Variants in NTRK3 observed in about 807,000 individuals in gnomAD.
NTRK3 encodes the protein neurotrophic receptor tyrosine kinase 3.
Under a neutral mutation model 91.7 loss-of-function variants are expected in NTRK3, and 24 were observed. The observed-to-expected ratio is 0.26, with a 90% CI of 0.19 to 0.37. NTRK3 has a LOEUF of 0.37. Among genes scored for constraint, NTRK3 ranks in the 10% least tolerant of loss-of-function variants. The pLI is 1.00. For synonymous variants in NTRK3, 483 were observed against 404.0 expected, an observed-to-expected ratio of 1.20 and a Z score of -2.34; for missense variants, 880 against 1,068.9, an observed-to-expected ratio of 0.82 and a Z score of 2.46.
intron 13 of NTRK3, among the ~76,000 whole-genome samples, chr15:88,122,956 G>A (rs1027844299): frequency 6.6e-6 from 1 of 152,300 alleles, no homozygotes; most frequent in East Asian, 1.9e-4. Flanking sequence ...GCCATAGGTC[G>A]CTCCTGGTCA....
intron 6 of NTRK3, among the ~76,000 whole-genome samples, chr15:88,143,375 G>A (rs139833334): frequency 0.011 from 1,671 of 152,332 alleles, 12 homozygotes; most frequent in Non-Finnish European, 0.018. Context: ...AGGCAAGGAC[G>A]GGTTCTCCCG....
At chr15:88,114,055 T>A (rs980229248) in intron 13 of NTRK3, among the ~76,000 whole-genome samples, 1 of 152,066 alleles carries the variant, frequency 6.6e-6, no homozygotes, top group Non-Finnish European at 1.5e-5. Context: ...CATCAATGAC[T>A]GTCAAGCATG....
At chr15:87,928,928 GA>G in intron 17 of NTRK3, 1 of 599,220 alleles carries the variant, frequency 1.7e-6, no homozygotes, top group East Asian at 2.8e-5. Context: ...AAGCACGTAA[GA>G]ACACAATGCA....
intron 3 of NTRK3, among the ~76,000 whole-genome samples, chr15:88,244,894 CA>C (rs1188373816): frequency 6.6e-6 from 1 of 152,218 alleles, no homozygotes; most frequent in Non-Finnish European, 1.5e-5. Context: ...CCACTTGGGA[CA>C]ACATCTGCAA....
intron 3 of NTRK3, among the ~76,000 whole-genome samples, chr15:88,200,210 C>T (rs12324186): frequency 0.042 from 6,431 of 152,298 alleles, 440 homozygotes; most frequent in African/African-American, 0.14. Context: ...CCCACCTGCC[C>T]GGACTGGCCG....
intron 5 of NTRK3, among the ~76,000 whole-genome samples, chr15:88,153,786 T>C (rs2043622103): frequency 1.3e-5 from 2 of 152,036 alleles, no homozygotes; most frequent in South Asian, 4.2e-4. Context: ...TAGCTAGCTC[T>C]CGGGGGCCTC....
At chr15:88,164,227 G>T (rs1302281697) in intron 5 of NTRK3, among the ~76,000 whole-genome samples, 1 of 152,238 alleles carries the variant, frequency 6.6e-6, no homozygotes, top group African/African-American at 2.4e-5. Context: ...CCACACGGTG[G>T]TGGGCTGCAG....
chr15:88,127,490 C>T (rs1206910011), intron 11 of NTRK3, among the ~76,000 whole-genome samples: 1 of 152,216 alleles, frequency 6.6e-6, no homozygotes, highest in Non-Finnish European at 1.5e-5. Flanking sequence ...CCATTCCCTG[C>T]CCCAACCCCA....
intron 5 of NTRK3, among the ~76,000 whole-genome samples, chr15:88,169,000 T>C (rs1263162156): frequency 6.6e-6 from 1 of 151,970 alleles, no homozygotes; most frequent in African/African-American, 2.4e-5. Context: ...TGCATGAAAA[T>C]ATTCCAAGTC....
intron 5 of NTRK3, among the ~76,000 whole-genome samples, chr15:88,174,705 G>C (rs149716496): frequency 1.3e-5 from 2 of 152,182 alleles, no homozygotes; most frequent in African/African-American, 4.8e-5. Flanking sequence ...CCATAAGCAG[G>C]CTGTCTGCCA....
At chr15:87,878,516 C>G (rs536697449) in intron 18 of NTRK3, among the ~76,000 whole-genome samples, 1 of 152,200 alleles carries the variant, frequency 6.6e-6, no homozygotes, top group Non-Finnish European at 1.5e-5. Context: ...CATTTCCACC[C>G]TCCATTACCT....
chr15:87,934,742 C>A (rs1477686159), intron 15 of NTRK3, among the ~76,000 whole-genome samples: 2 of 152,128 alleles, frequency 1.3e-5, no homozygotes, highest in Non-Finnish European at 2.9e-5. Flanking sequence ...AGCTCACATT[C>A]ACACTAATTA....
At chr15:88,117,597 G>A (rs966265737) in intron 13 of NTRK3, among the ~76,000 whole-genome samples, 18 of 152,194 alleles carry the variant, frequency 1.2e-4, no homozygotes, top group African/African-American at 3.9e-4. Context: ...CCTTAGCTTG[G>A]AATTTAATGC....
At chr15:88,116,223 G>C (rs2052049899) in intron 13 of NTRK3, among the ~76,000 whole-genome samples, 1 of 152,162 alleles carries the variant, frequency 6.6e-6, no homozygotes, top group Non-Finnish European at 1.5e-5. Context: ...AGCCACTATA[G>C]AAACAGTTTT....
chr15:88,108,249 A>G (rs370784256), intron 13 of NTRK3, among the ~76,000 whole-genome samples: 1 of 152,154 alleles, frequency 6.6e-6, no homozygotes, highest in African/African-American at 2.4e-5. Context: ...AACATCCCCA[A>G]ATACACTCCT....
At chr15:87,872,871 T>C (rs574353567) in exon 19 of NTRK3, 1 of 233,024 alleles carries the variant, frequency 4.3e-6, no homozygotes, top group Non-Finnish European at 8.5e-6. Flanking sequence ...AAAAGGACTC[T>C]AAAAATATCT....
At chr15:88,200,507 T>G (rs2048213134) in intron 3 of NTRK3, among the ~76,000 whole-genome samples, 1 of 152,162 alleles carries the variant, frequency 6.6e-6, no homozygotes, top group Non-Finnish European at 1.5e-5. Context: ...GGGAGGTAAT[T>G]GAATCATGGG....
At chr15:87,891,355 A>G (rs2065851399) in intron 17 of NTRK3, among the ~76,000 whole-genome samples, 1 of 152,198 alleles carries the variant, frequency 6.6e-6, no homozygotes, top group African/African-American at 2.4e-5. Flanking sequence ...TTTAATTTTT[A>G]GGACTTGCTT....
At chr15:87,883,144 T>G (rs971336322) in intron 17 of NTRK3, among the ~76,000 whole-genome samples, 3 of 151,240 alleles carry the variant, frequency 2.0e-5, no homozygotes, top group Non-Finnish European at 4.4e-5. Context: ...TACAGATATA[T>G]ATAGCCAATT....
Sources: allele counts gnomAD v4.1 joint callset (sites outside exome capture counted in the v4.1 genomes callset), GRCh38; gene constraint gnomAD v4.1.1; transcripts MANE v1.5; gene names NCBI Gene and HGNC (gene_info 2026-07-23, HGNC 2026-07-21).